The following KIAA0319 variants were observed in gnomAD, a reference collection of about 807,000 sequenced individuals.
KIAA0319 encodes the protein dyslexia-associated protein KIAA0319.
In KIAA0319, 83 loss-of-function variants were observed where a neutral mutation model predicts 108.4. That is an observed-to-expected ratio of 0.77 (90% CI 0.64 to 0.92). KIAA0319 has a LOEUF of 0.92. Ranked by LOEUF, KIAA0319 falls within the 40% of genes least tolerant of loss-of-function variation. The pLI is 0.00. For synonymous variants in KIAA0319, 484 were observed against 510.4 expected, an observed-to-expected ratio of 0.95 and a Z score of 0.70; for missense variants, 1,195 against 1,322.4, an observed-to-expected ratio of 0.90 and a Z score of 1.49.
intron 20 of KIAA0319, 123 bp from the exon 21 acceptor site, chr6:24,547,466 A>C: frequency 1.3e-6 from 1 of 789,140 alleles, no homozygotes; most frequent in Non-Finnish European, 2.0e-6. Flanking sequence ...GAAAGCAATC[A>C]CTCAAAACAG....
intron 1 of KIAA0319, among the ~76,000 whole-genome samples, chr6:24,603,399 C>G: frequency 6.6e-6 from 1 of 152,292 alleles, no homozygotes; most frequent in Non-Finnish European, 1.5e-5. Context: ...AGGAAACACA[C>G]AAGTTCATGT....
rs1582162933 is a variant in KIAA0319, at chr6:24,600,842, A to G, written c.55+207T>C. 4 of 776,518 alleles carry G rather than the reference A, an allele frequency of 5.2e-6. No individual in the cohort carries two copies. In the East Asian group the frequency reaches 8.1e-5, roughly 16 times the overall value. The allele number at this position is 776,518 out of a possible 1,614,324, so 48.1% of individuals were successfully genotyped here. Reference sequence around the variant, plus strand: ...ATATGAAATGTGATTTTATTTTCCCATGGAATAGTCATGATAAAAATAAAC... The same window carrying G: ...ATATGAAATGTGATTTTATTTTCCCGTGGAATAGTCATGATAAAAATAAAC... On this transcript the variant is annotated intron_variant, in intron 2 of 20. Coordinates refer to ENST00000378214, the MANE Select transcript of KIAA0319 (RefSeq NM_014809.4).
intron 2 of KIAA0319, among the ~76,000 whole-genome samples, chr6:24,597,813 G>A (rs1263346944): frequency 6.7e-6 from 1 of 149,574 alleles, no homozygotes; most frequent in Non-Finnish European, 1.5e-5. Context: ...AGCACTTTGG[G>A]AGGCCAACAT....
At chr6:24,587,191 T>C (rs1044989158) in intron 4 of KIAA0319, among the ~76,000 whole-genome samples, 1 of 152,174 alleles carries the variant, frequency 6.6e-6, no homozygotes, top group Admixed American at 6.5e-5. Context: ...TAAATCTGGT[T>C]CCTTCCCTCC....
intron 4 of KIAA0319, among the ~76,000 whole-genome samples, chr6:24,587,165 C>T (rs1014394419): frequency 3.3e-5 from 5 of 152,206 alleles, no homozygotes; most frequent in Non-Finnish European, 7.3e-5. Flanking sequence ...TGTGACTCTG[C>T]TCCCTTCCTG....
At chr6:24,552,991 G>T (rs942082077) in intron 19 of KIAA0319, among the ~76,000 whole-genome samples, 3 of 152,004 alleles carry the variant, frequency 2.0e-5, no homozygotes, top group African/African-American at 7.3e-5. Flanking sequence ...TCTCTTCTAA[G>T]GACAGAGGGT....
At chr6:24,631,732 C>T (rs6923652) in intron 1 of KIAA0319, among the ~76,000 whole-genome samples, 107,257 of 152,140 alleles carry the variant, frequency 0.7, 38,391 homozygotes, top group East Asian at 0.87. Context: ...TCTTATCTAA[C>T]GGGGTCACCA....
intron 2 of KIAA0319, chr6:24,598,781 C>T: frequency 4.0e-6 from 1 of 252,040 alleles, no homozygotes; most frequent in Non-Finnish European, 7.9e-6. Context: ...GAGGCTGAGG[C>T]AGGAGAATTC....
chr6:24,619,751 C>T (rs1773660175), intron 1 of KIAA0319, among the ~76,000 whole-genome samples: 1 of 152,138 alleles, frequency 6.6e-6, no homozygotes, highest in Non-Finnish European at 1.5e-5. Flanking sequence ...TATGTCTCAC[C>T]TAGTCACATG....
At chr6:24,604,870 C>T (rs1162137097) in intron 1 of KIAA0319, among the ~76,000 whole-genome samples, 2 of 151,964 alleles carry the variant, frequency 1.3e-5, no homozygotes, top group East Asian at 1.9e-4. Flanking sequence ...GACAGAGTTT[C>T]GCTCTTGTCA....
intron 17 of KIAA0319, among the ~76,000 whole-genome samples, 158 bp from the exon 18 acceptor site, chr6:24,556,887 CA>C: frequency 6.6e-6 from 1 of 152,286 alleles, no homozygotes; most frequent in Middle Eastern, 3.4e-3. Flanking sequence ...GATAGTCTCT[CA>C]TCACTGACAA....
At chr6:24,633,747 TAGAACAAAAAATTATTAGATCA>T (rs1436015290) in intron 1 of KIAA0319, among the ~76,000 whole-genome samples, 4 of 152,292 alleles carry the variant, frequency 2.6e-5, no homozygotes, top group African/African-American at 9.6e-5. Flanking sequence ...TAATACTTAT[TAGAACAAAAAATTATTAGATCA>T]AAAAAATCTT....
intron 16 of KIAA0319, among the ~76,000 whole-genome samples, chr6:24,561,892 G>A (rs1019876395): frequency 3.9e-5 from 6 of 152,104 alleles, no homozygotes; most frequent in South Asian, 2.1e-4. Context: ...TAGTAGAGAC[G>A]AGGTTTCGCC....
intron 1 of KIAA0319, among the ~76,000 whole-genome samples, chr6:24,617,607 G>A (rs2127563999): frequency 6.6e-6 from 1 of 152,282 alleles, no homozygotes; most frequent in South Asian, 2.1e-4. Context: ...TTTCATGGAT[G>A]CACAGAGGAC....
Position 24,595,268 on chromosome 6 carries a change from C to T in KIAA0319, c.801+605G>A, listed in dbSNP as rs1336598077. On this transcript the variant is annotated intron_variant, in intron 3 of 20. Transcript: ENST00000378214. ...TTGCCTTAAATGTCGCTAGAGTATC[C>T]AGGCGCGGTGGCTCACGCCTGTAAT... Among the ~76,000 whole-genome samples, 3 of 152,014 alleles carry T rather than the reference C, an allele frequency of 2.0e-5. No individual in the cohort carries two copies. In the East Asian group the frequency reaches 5.8e-4, roughly 29 times the overall value.
At position 24,545,565 on chromosome 6, in the gene KIAA0319, A is replaced by G. The variant is rs1486660821; in HGVS notation, c.*1600T>C. On this transcript the variant is annotated 3_prime_UTR_variant, in exon 21 of 21. Coordinates refer to ENST00000378214, the MANE Select transcript of KIAA0319 (RefSeq NM_014809.4). ...TCACATTTTCCTTCTAACACTATAG[A>G]CAGTATTGAATTGGCTAGTTATACA... 6.6e-6 allele frequency: 1 copy of G among 152,218 alleles called. No homozygotes were observed. The highest frequency in any genetic ancestry group is 1.9e-4 in the East Asian group (1 of 5,202). 9.4% of individuals were successfully genotyped at this position (152,218 alleles called of 1,614,324 possible).
intron 3 of KIAA0319, among the ~76,000 whole-genome samples, chr6:24,591,096 T>A (rs1768396842): frequency 1.3e-5 from 2 of 152,206 alleles, no homozygotes; most frequent in Non-Finnish European, 2.9e-5. Flanking sequence ...GCAAAAAATG[T>A]CCTTTATCCT....
At chr6:24,595,819 C>A in intron 3 of KIAA0319, 54 bp downstream of exon 3, 1 of 1,524,306 alleles carries the variant, frequency 6.6e-7, no homozygotes, top group Non-Finnish European at 8.8e-7. Flanking sequence ...GCCCCTCCTA[C>A]GGTCTGCCCC....
intron 1 of KIAA0319, among the ~76,000 whole-genome samples, chr6:24,627,348 C>T (rs1314646896): frequency 6.6e-6 from 1 of 152,106 alleles, no homozygotes; most frequent in Non-Finnish European, 1.5e-5. Flanking sequence ...ACCTGATAAC[C>T]TCCTGGTCAA....
Sources: allele counts gnomAD v4.1 joint callset (sites outside exome capture counted in the v4.1 genomes callset), GRCh38; gene constraint gnomAD v4.1.1; transcripts MANE v1.5; gene names NCBI Gene and HGNC (gene_info 2026-07-23, HGNC 2026-07-21).